Variants in OBI1 observed in about 807,000 individuals in gnomAD.
OBI1 encodes the protein ring finger protein 219.
A neutral mutation model predicts 62.4 loss-of-function variants in OBI1; 59 were observed. The observed-to-expected ratio is 0.95, with a 90% CI of 0.77 to 1.17. The LOEUF is 1.17. OBI1 is among the 50% of genes most tolerant of loss of function. The pLI, the probability that OBI1 is intolerant of heterozygous loss-of-function variation, is 0.00. For synonymous variants in OBI1, 302 were observed against 292.8 expected, an observed-to-expected ratio of 1.03 and a Z score of -0.32; for missense variants, 875 against 830.9, an observed-to-expected ratio of 1.05 and a Z score of -0.65.
intron 5 of OBI1, among the ~76,000 whole-genome samples, chr13:78,618,163 C>A (rs117901401): frequency 1.3e-3 from 203 of 152,122 alleles, no homozygotes; most frequent in Admixed American, 3.6e-3. Context: ...ATAACATAAT[C>A]CCGTGAAAAA....
intron 1 of OBI1, among the ~76,000 whole-genome samples, chr13:78,651,063 T>C (rs1269743458): frequency 6.6e-6 from 1 of 152,158 alleles, no homozygotes; most frequent in Non-Finnish European, 1.5e-5. Context: ...AACTGTCAAT[T>C]ACAATTGTTA....
intron 1 of OBI1, among the ~76,000 whole-genome samples, chr13:78,648,870 AC>A (rs1042055475): frequency 2.8e-4 from 42 of 151,078 alleles, no homozygotes; most frequent in African/African-American, 1.0e-3. Context: ...CTGAGATCGC[AC>A]CATTGCACTC....
chr13:78,657,791 G>T (rs1876755408), intron 1 of OBI1, among the ~76,000 whole-genome samples: 1 of 152,208 alleles, frequency 6.6e-6, no homozygotes, highest in Admixed American at 6.5e-5. Flanking sequence ...GGAACTTTAT[G>T]TCAGGAGCCA....
At chr13:78,652,571 G>A (rs1876575395) in intron 1 of OBI1, among the ~76,000 whole-genome samples, 1 of 152,128 alleles carries the variant, frequency 6.6e-6, no homozygotes, top group African/African-American at 2.4e-5. Flanking sequence ...ATAGTAAAGT[G>A]GTATCCTAGG....
chr13:78,615,839 G>T lies in OBI1; in HGVS notation c.1922C>A (p.Pro641His), dbSNP rs267603861. The change falls in exon 6 of 6, where the codon CCC becomes CAC. Residue 641 changes from proline to histidine, a missense_variant. Coordinates refer to ENST00000282003, the MANE Select transcript of OBI1 (RefSeq NM_024546.4). ...CTCTGTCTGAAACAAGCAGCTTGGGGGTTTGATTTCATTAGTTACTGGACA... is the reference window on the plus strand; with the variant it reads ...CTCTGTCTGAAACAAGCAGCTTGGGTGTTTGATTTCATTAGTTACTGGACA... ...SSCPVTNEIKPPSCLFQTEFS... is the reference protein window; with the variant it reads ...SSCPVTNEIKHPSCLFQTEFS... 1 of 1,614,050 alleles carries T rather than the reference G, an allele frequency of 6.2e-7. No homozygotes were observed. The highest frequency in any genetic ancestry group is 8.5e-7 in the Non-Finnish European group (1 of 1,179,970).
intron 5 of OBI1, among the ~76,000 whole-genome samples, chr13:78,621,641 CTG>C (rs906082529): frequency 1.3e-5 from 2 of 152,166 alleles, no homozygotes; most frequent in Non-Finnish European, 2.9e-5. Context: ...AAATCACTGA[CTG>C]TGGGAATATT....
At chr13:78,657,582 A>G (rs989313716) in intron 1 of OBI1, among the ~76,000 whole-genome samples, 3 of 152,262 alleles carry the variant, frequency 2.0e-5, no homozygotes, top group African/African-American at 7.2e-5. Context: ...ACTATATTCT[A>G]TGAGGTATCA....
At chr13:78,646,638 T>C (rs2137462967) in intron 1 of OBI1, among the ~76,000 whole-genome samples, 1 of 152,036 alleles carries the variant, frequency 6.6e-6, no homozygotes, top group East Asian at 1.9e-4. Flanking sequence ...GAAAGCAGAG[T>C]AAGTAGAGGG....
At position 78,615,621 on chromosome 13, in the gene OBI1, T is replaced by C. The variant is rs779540980; in HGVS notation, c.2140A>G (p.Ser714Gly). Residue 714 changes from serine to glycine, a missense_variant, in exon 6 of 6, where the codon AGC (serine) becomes GGC (glycine). Coordinates refer to ENST00000282003, the MANE Select transcript of OBI1 (RefSeq NM_024546.4). ...NQSTKRKIQS[S>G]LSSASPSKAT... The stretch of plus-strand genomic sequence containing the variant: ...TTTGATGGGCTGGCACTGGAAAGGC[T>C]GCTCTGGATTTTTCTTTTTGTTGAT... 1.1e-5 allele frequency: 18 copies of C among 1,613,028 alleles called. No individual in the cohort carries two copies. The highest frequency in any genetic ancestry group is 1.4e-5 in the Non-Finnish European group (16 of 1,179,618).
rs768490524 is a variant in OBI1, at chr13:78,635,114, G to C, written c.634C>G (p.Gln212Glu). The change falls in exon 5 of 6, where the codon CAA becomes GAA. Residue 212 changes from glutamine (Q) to glutamate (E), a missense_variant. Gln to Glu is a conservative substitution (Grantham distance 29). Coordinates refer to ENST00000282003, the MANE Select transcript of OBI1 (RefSeq NM_024546.4). ...CTCTGGGAGCAAAATACATACTTTT[G>C]AGGTGATCTGTTATCAACTTCAGCC... ...LKAEVDNRSP[Q>E]KFGRFAVAAL... 44 of 1,592,230 alleles carry C rather than the reference G, an allele frequency of 2.8e-5. No individual in the cohort carries two copies. The highest frequency in any genetic ancestry group is 3.4e-5 in the Non-Finnish European group (40 of 1,162,960).
At chr13:78,649,696 AG>A (rs1443777627) in intron 1 of OBI1, among the ~76,000 whole-genome samples, 1 of 152,202 alleles carries the variant, frequency 6.6e-6, no homozygotes, top group Non-Finnish European at 1.5e-5. Context: ...TTACAGCGAT[AG>A]GCAACAAAGT....
At chr13:78,622,579 G>C (rs1362597377) in intron 5 of OBI1, among the ~76,000 whole-genome samples, 3 of 152,120 alleles carry the variant, frequency 2.0e-5, no homozygotes, top group Non-Finnish European at 4.4e-5. Context: ...TATTAGGAAA[G>C]TATCTTTTCT....
rs1374199959 is a variant in OBI1, at chr13:78,638,924, T to A, written c.448A>T (p.Ser150Cys). The A allele has an allele frequency of 6.2e-7, 1 of 1,614,078 alleles. No individual in the cohort carries two copies. ...GCTACAGTTTCTGGGTTAATTTTACTTGGATTATCTGTGACTAGATGTTTG... is the reference window on the plus strand; with the variant it reads ...GCTACAGTTTCTGGGTTAATTTTACATGGATTATCTGTGACTAGATGTTTG... ...EDKHLVTDNP[S>C]KINPETVAEW... Residue 150 changes from serine to cysteine, a missense_variant, in exon 4 of 6, where the codon AGT becomes TGT. Physicochemically the swap from Ser to Cys is moderately radical, Grantham distance 112. Coordinates refer to ENST00000282003, the MANE Select transcript of OBI1 (RefSeq NM_024546.4).
chr13:78,637,389 T>C lies in OBI1; in HGVS notation c.549+1434A>G, dbSNP rs80139895. 4.5e-3 allele frequency among the ~76,000 whole-genome samples: 690 copies of C among 152,328 alleles called. 6 individuals carry two copies. The highest frequency in any genetic ancestry group is 0.035 in the South Asian group (169 of 4,826). On this transcript the variant is annotated intron_variant, in intron 4 of 5. Coordinates refer to ENST00000282003, the MANE Select transcript of OBI1 (RefSeq NM_024546.4). ...AGAATTCTGAAGTCCCAGGGTAGCT[T>C]TGAGTATTGAATTTAACATTTGACC... is the stretch of plus-strand genomic sequence containing the variant.
chr13:78,615,688 A>C lies in OBI1; in HGVS notation c.2073T>G (p.Ser691=). The change falls in exon 6 of 6, where the codon TCT becomes TCG. Residue 691 remains serine, a synonymous_variant. Coordinates refer to ENST00000282003, the MANE Select transcript of OBI1 (RefSeq NM_024546.4). ...TCCTCTTTTCAGGCACAAAGGAAGT[A>C]GACCAAGGAGACTGAAGGTGGTTAT... ...SLHNHLQSPW[S]TSFVPEKRNK... 6.2e-7 allele frequency: 1 copy of C among 1,614,064 alleles called. No individual in the cohort carries two copies. Among genetic ancestry groups the C allele is most frequent in the Non-Finnish European group, 8.5e-7 (1 of 1,179,922 alleles).
At chr13:78,649,385 A>G (rs375294006) in intron 1 of OBI1, among the ~76,000 whole-genome samples, 3 of 152,242 alleles carry the variant, frequency 2.0e-5, no homozygotes, top group Admixed American at 6.5e-5. Flanking sequence ...CAGCGGCCAG[A>G]TAAGTAAAAT....
intron 5 of OBI1, among the ~76,000 whole-genome samples, chr13:78,634,132 A>G (rs1229326657): frequency 1.3e-5 from 2 of 151,958 alleles, no homozygotes; most frequent in Non-Finnish European, 2.9e-5. Flanking sequence ...AAAAAAAAAC[A>G]AACTACTCCA....
At chr13:78,639,821 A>C in intron 3 of OBI1, among the ~76,000 whole-genome samples, 1 of 134,934 alleles carries the variant, frequency 7.4e-6, no homozygotes. Flanking sequence ...GAAGGGGAAT[A>C]TCACACTCTG....
chr13:78,628,870 T>C (rs936788038), intron 5 of OBI1, among the ~76,000 whole-genome samples: 23 of 151,748 alleles, frequency 1.5e-4, no homozygotes, highest in Admixed American at 5.2e-4. Context: ...ACAAAAAAGA[T>C]AGATGAAAAC....
Sources: allele counts gnomAD v4.1 joint callset (sites outside exome capture counted in the v4.1 genomes callset), GRCh38; gene constraint gnomAD v4.1.1; transcripts MANE v1.5; gene names NCBI Gene and HGNC (gene_info 2026-07-23, HGNC 2026-07-21).